The following SYNE1 variants were observed in gnomAD, a reference collection of about 807,000 sequenced individuals.
SYNE1 encodes the protein spectrin repeat containing nuclear envelope protein 1.
Under a neutral mutation model 1,111.0 loss-of-function variants are expected in SYNE1, and 616 were observed. The ratio of observed to expected loss-of-function variants is 0.55; its 90% CI spans 0.52 to 0.59. The LOEUF is 0.59. SYNE1 is among the 20% of genes least tolerant of loss of function. SYNE1 has a pLI of 0.00. For missense variants in SYNE1, 10,006 were observed against 10,417.0 expected, an observed-to-expected ratio of 0.96 and a Z score of 1.72; for synonymous variants, 3,855 against 3,825.8, an observed-to-expected ratio of 1.01 and a Z score of -0.28.
chr6:152,305,231 T>A (rs1320771363), intron 91 of SYNE1, among the ~76,000 whole-genome samples: 1 of 152,164 alleles, frequency 6.6e-6, no homozygotes, highest in African/African-American at 2.4e-5. Context: ...GGCAGGATGA[T>A]TTTTTTCAAA....
At chr6:152,604,927 A>G (rs2099607425) in intron 3 of SYNE1, among the ~76,000 whole-genome samples, 2 of 146,858 alleles carry the variant, frequency 1.4e-5, no homozygotes, top group South Asian at 4.4e-4. Context: ...GCACTCAAAC[A>G]GTGAGACCCT....
intron 121 of SYNE1, among the ~76,000 whole-genome samples, chr6:152,215,830 T>C (rs2078501193): frequency 6.6e-6 from 1 of 152,162 alleles, no homozygotes; most frequent in Non-Finnish European, 1.5e-5. Flanking sequence ...AGCTAGTAAA[T>C]GGAAGAGGGT....
At position 152,619,046 on chromosome 6, in the gene SYNE1, T is replaced by TCACACACACACACA. The variant is rs56677340; in HGVS notation, c.67+9205_67+9218dup. On this transcript the variant is annotated intron_variant, in intron 3 of 145. Transcript: ENST00000367255. ...GAAACTAGGTATTTAGGTGTGAGAA[T>TCACACACACACACA]CACACACACACACACACACACACAC... Among the ~76,000 whole-genome samples, 43 of 135,682 alleles carry TCACACACACACACA rather than the reference T, an allele frequency of 3.2e-4. 1 individual carries two copies. The highest frequency in any genetic ancestry group is 1.6e-4 in the Non-Finnish European group (10 of 60,996). The allele number at this position is 135,682 out of a possible 152,430, so 89.0% of individuals were successfully genotyped here. A position where few individuals can be genotyped will look rare whatever the true frequency, so the allele number is the denominator to read the frequency against.
rs1398445405 is a variant in SYNE1, at chr6:152,427,836, GA to G, written c.4977-21del. ...TCTAGCCTAAAGGAAGCAGAGAGCAGAAACAAATTTATTGAAAATTATCATG... is the reference window on the plus strand; with the variant it reads ...TCTAGCCTAAAGGAAGCAGAGAGCAGAACAAATTTATTGAAAATTATCATG... On this transcript the variant is annotated intron_variant, in intron 37 of 145. Coordinates refer to ENST00000367255, the MANE Select transcript of SYNE1 (RefSeq NM_182961.4). 6.2e-7 allele frequency: 1 copy of G among 1,613,706 alleles called. No individual in the cohort carries two copies. The highest frequency in any genetic ancestry group is 2.2e-5 in the East Asian group (1 of 44,858).
intron 131 of SYNE1, among the ~76,000 whole-genome samples, chr6:152,159,270 T>C (rs1349012677): frequency 6.6e-6 from 1 of 152,216 alleles, no homozygotes; most frequent in Non-Finnish European, 1.5e-5. Flanking sequence ...GTAATTTGTA[T>C]AATCACACTG....
chr6:152,340,645 C>CT (rs748420467), intron 74 of SYNE1, among the ~76,000 whole-genome samples: 140 of 152,338 alleles, frequency 9.2e-4, no homozygotes, highest in Non-Finnish European at 5.4e-4. Flanking sequence ...AAAGCAGACT[C>CT]TGTCTTATCA....
At chr6:152,189,137 T>C (rs1389022015) in intron 128 of SYNE1, 115 bp downstream of exon 128, 1 of 1,066,052 alleles carries the variant, frequency 9.4e-7, no homozygotes, top group East Asian at 2.4e-5. Context: ...GTTCTTCCTT[T>C]GTCCGTACTA....
At position 152,456,047 on chromosome 6, in the gene SYNE1, A is replaced by G. The variant is rs758981278; in HGVS notation, c.2569-3T>C. 5.6e-6 allele frequency: 9 copies of G among 1,612,366 alleles called. No homozygotes were observed. The South Asian group carries it at 8.8e-5, about 16-fold the overall frequency. ...TTTTCTTGACAAGCTAACAGTTCCTATAACGAAATGAAACCCCACAACAAT... is the reference window on the plus strand; with the variant it reads ...TTTTCTTGACAAGCTAACAGTTCCTGTAACGAAATGAAACCCCACAACAAT... On this transcript the variant is annotated splice_polypyrimidine_tract_variant and splice_region_variant and intron_variant, in intron 22 of 145. Coordinates refer to ENST00000367255, the MANE Select transcript of SYNE1 (RefSeq NM_182961.4).
chr6:152,155,049 CG>C lies in SYNE1; in HGVS notation c.23979-8del. 6.2e-7 allele frequency: 1 copy of C among 1,613,932 alleles called. No individual in the cohort carries two copies. The highest frequency in any genetic ancestry group is 8.5e-7 in the Non-Finnish European group (1 of 1,179,938). The stretch of plus-strand genomic sequence containing the variant: ...TCGCCACGTCTCTTCGATTCTGGGG[CG>C]GAAAATGAAAGAACAGATTCAGATT... On this transcript the variant is annotated splice_region_variant and splice_polypyrimidine_tract_variant and intron_variant, in intron 132 of 145. Coordinates refer to ENST00000367255, the MANE Select transcript of SYNE1 (RefSeq NM_182961.4).
At chr6:152,422,604 G>A (rs1382250746) in intron 39 of SYNE1, among the ~76,000 whole-genome samples, 1 of 152,074 alleles carries the variant, frequency 6.6e-6, no homozygotes, top group Non-Finnish European at 1.5e-5. Context: ...CTGGGCTCAA[G>A]CAATCCTCCT....
intron 72 of SYNE1, among the ~76,000 whole-genome samples, chr6:152,347,942 G>A (rs934972597): frequency 2.6e-5 from 4 of 151,078 alleles, no homozygotes; most frequent in Admixed American, 2.0e-4. Flanking sequence ...TGCTGGCCTC[G>A]GCCTCCCAAA....
At position 152,136,948 on chromosome 6, in the gene SYNE1, C is replaced by A. The variant is rs556553535; in HGVS notation, c.25459-130G>T. On this transcript the variant is annotated intron_variant, in intron 140 of 145. Transcript: ENST00000367255. ...CTTAACAGGATGGCTAGGTAAAAGA[C>A]AGAGGGTGCGTACCACTGAGAACTG... 9.6e-6 allele frequency: 9 copies of A among 933,798 alleles called. No individual in the cohort carries two copies. In the East Asian group the frequency reaches 2.1e-4, roughly 21 times the overall value. The allele number at this position is 933,798 out of a possible 1,614,324, so 57.8% of individuals were successfully genotyped here. A position where few individuals can be genotyped will look rare whatever the true frequency, so the allele number is the denominator to read the frequency against.
intron 66 of SYNE1, 37 bp downstream of exon 66, chr6:152,358,336 T>C: frequency 6.2e-7 from 1 of 1,613,834 alleles, no homozygotes; most frequent in East Asian, 2.2e-5. Flanking sequence ...ATATTCAGAA[T>C]GAAGATTCCT....
At chr6:152,363,294 G>A (rs375881057) in intron 63 of SYNE1, among the ~76,000 whole-genome samples, 5,482 of 145,906 alleles carry the variant, frequency 0.038, 167 homozygotes, top group East Asian at 0.19. Context: ...GGAGATCAAG[G>A]CCATCCTGGC....
At chr6:152,143,557 G>T in intron 138 of SYNE1, 66 bp downstream of exon 138, 1 of 1,609,028 alleles carries the variant, frequency 6.2e-7, no homozygotes, top group Non-Finnish European at 8.5e-7. Context: ...TGCTGCAGAC[G>T]AACTGTTCTT....
chr6:152,328,467 A>G (rs1296943085), intron 78 of SYNE1, among the ~76,000 whole-genome samples: 1 of 151,332 alleles, frequency 6.6e-6, no homozygotes, highest in African/African-American at 2.4e-5. Context: ...GTGCAATGTC[A>G]TGATCTCGGC....
chr6:152,461,961 A>C (rs533731221), intron 20 of SYNE1, among the ~76,000 whole-genome samples: 3 of 152,258 alleles, frequency 2.0e-5, no homozygotes, highest in Admixed American at 6.5e-5. Flanking sequence ...CAAAACATCA[A>C]GATTAGCTGA....
chr6:152,248,332 T>A (rs906968461), intron 105 of SYNE1, among the ~76,000 whole-genome samples: 1 of 152,218 alleles, frequency 6.6e-6, no homozygotes, highest in African/African-American at 2.4e-5. Context: ...ATTTTCAATT[T>A]TGGTTGTAGC....
chr6:152,238,849 C>T lies in SYNE1; in HGVS notation c.20067+684G>A, dbSNP rs999475711. On this transcript the variant is annotated intron_variant, in intron 108 of 145. Coordinates refer to ENST00000367255, the MANE Select transcript of SYNE1 (RefSeq NM_182961.4). ...GCCACCACTGAGCACTACTCTGTTC[C>T]AAGAGCAACCGCATTTGGGACAGAA... 2.0e-5 allele frequency among the ~76,000 whole-genome samples: 3 copies of T among 152,048 alleles called. No homozygotes were observed. In the South Asian group the frequency reaches 6.2e-4, roughly 32 times the overall value.
Sources: allele counts gnomAD v4.1 joint callset (sites outside exome capture counted in the v4.1 genomes callset), GRCh38; gene constraint gnomAD v4.1.1; transcripts MANE v1.5; gene names NCBI Gene and HGNC (gene_info 2026-07-23, HGNC 2026-07-21).